Variants in PDE4D observed in about 807,000 individuals in gnomAD.
The protein encoded by PDE4D is 3',5'-cyclic-AMP phosphodiesterase 4D.
In PDE4D, 24 loss-of-function variants were observed where a neutral mutation model predicts 87.4. That is an observed-to-expected ratio of 0.27 (90% CI 0.20 to 0.39). The LOEUF is 0.39. Ranked by LOEUF, PDE4D falls within the 10% of genes least tolerant of loss-of-function variation. The pLI is 1.00. For missense variants in PDE4D, 714 were observed against 1,041.0 expected, an observed-to-expected ratio of 0.69 and a Z score of 4.32; for synonymous variants, 384 against 383.2, an observed-to-expected ratio of 1.00 and a Z score of -0.02.
At chr5:60,043,328 A>G (rs536746490) in intron 2 of PDE4D, among the ~76,000 whole-genome samples, 1 of 152,324 alleles carries the variant, frequency 6.6e-6, no homozygotes, top group Non-Finnish European at 1.5e-5. Flanking sequence ...TGATTGGTGT[A>G]CCTCAAAGTG....
At chr5:59,272,988 T>C (rs1327547974) in intron 1 of PDE4D, among the ~76,000 whole-genome samples, 2 of 152,118 alleles carry the variant, frequency 1.3e-5, no homozygotes, top group Admixed American at 1.3e-4. Context: ...CGGAGGACAG[T>C]AGACAGATTT....
At chr5:60,134,466 C>A (rs1447308261) in intron 2 of PDE4D, among the ~76,000 whole-genome samples, 7 of 152,190 alleles carry the variant, frequency 4.6e-5, no homozygotes. Flanking sequence ...AATCACACCA[C>A]TACAGTCCAG....
intron 1 of PDE4D, among the ~76,000 whole-genome samples, chr5:59,764,185 C>G (rs1045349799): frequency 1.3e-5 from 2 of 152,084 alleles, no homozygotes; most frequent in African/African-American, 4.8e-5. Context: ...AAATGACTGA[C>G]AGAGTAATCA....
intron 3 of PDE4D, among the ~76,000 whole-genome samples, chr5:59,186,084 A>G (rs1742849340): frequency 6.6e-6 from 1 of 152,126 alleles, no homozygotes; most frequent in Non-Finnish European, 1.5e-5. Context: ...TTCTCCTGAA[A>G]TGGGCAAGTT....
At chr5:59,378,212 T>A (rs775632042) in intron 1 of PDE4D, among the ~76,000 whole-genome samples, 13 of 152,204 alleles carry the variant, frequency 8.5e-5, no homozygotes, top group Non-Finnish European at 1.8e-4. Context: ...TTCTCACTTA[T>A]TAGTGGGAGC....
At chr5:59,129,512 A>C (rs1016325980) in intron 5 of PDE4D, among the ~76,000 whole-genome samples, 1 of 152,192 alleles carries the variant, frequency 6.6e-6, no homozygotes, top group East Asian at 1.9e-4. Context: ...TGCTTCATCT[A>C]CTACATAGCT....
chr5:59,330,301 T>G (rs1215557297), intron 1 of PDE4D, among the ~76,000 whole-genome samples: 1 of 152,138 alleles, frequency 6.6e-6, no homozygotes, highest in South Asian at 2.1e-4. Flanking sequence ...GTGAAATATA[T>G]AGTTGAAGCC....
chr5:59,661,098 T>A (rs981346493), intron 1 of PDE4D, among the ~76,000 whole-genome samples: 2 of 101,134 alleles, frequency 2.0e-5, no homozygotes, highest in African/African-American at 4.2e-5. Flanking sequence ...ATATATATAT[T>A]TTGTCATCTA....
At chr5:59,795,726 C>G (rs1766393598) in intron 1 of PDE4D, among the ~76,000 whole-genome samples, 1 of 152,102 alleles carries the variant, frequency 6.6e-6, no homozygotes, top group Non-Finnish European at 1.5e-5. Context: ...TGGTTCAGAG[C>G]TGGTGCTATG....
rs557425559 is a variant in PDE4D at position 60,435,340 on chromosome 5, G to T, written c.-90+52602C>A. On this transcript the variant is annotated intron_variant, in intron 1 of 16. Coordinates refer to the PDE4D transcript ENST00000502484. Reference sequence around the variant, plus strand: ...AATCTTCCCTTTTTCTAAAGTACCTGCTTGATAGACACAACTTAACATATA... The same window carrying T: ...AATCTTCCCTTTTTCTAAAGTACCTTCTTGATAGACACAACTTAACATATA... Among the ~76,000 whole-genome samples the T allele has an allele frequency of 1.4e-4, 22 of 152,162 alleles. No individual in the cohort carries two copies. In the South Asian group the frequency reaches 4.6e-3, roughly 32 times the overall value.
chr5:59,464,263 G>A (rs1330955309), intron 1 of PDE4D, among the ~76,000 whole-genome samples: 3 of 152,210 alleles, frequency 2.0e-5, no homozygotes, highest in African/African-American at 7.2e-5. Context: ...TTGCAGTTGA[G>A]ACAAGAGGAA....
upstream of PDE4D, among the ~76,000 whole-genome samples, chr5:60,492,030 G>A (rs907449237): frequency 3.3e-5 from 5 of 151,916 alleles, no homozygotes; most frequent in African/African-American, 7.3e-5. Flanking sequence ...GCTAGATGAC[G>A]CGTTAGTGGG....
intron 3 of PDE4D, among the ~76,000 whole-genome samples, chr5:59,940,560 T>C (rs1757071375): frequency 6.6e-6 from 1 of 152,122 alleles, no homozygotes; most frequent in Admixed American, 6.6e-5. Context: ...AGTTTTGATT[T>C]TGAAAGTAGA....
chr5:59,279,012 A>C (rs1057389058), intron 1 of PDE4D, among the ~76,000 whole-genome samples: 5 of 152,140 alleles, frequency 3.3e-5, no homozygotes, highest in Admixed American at 6.6e-5. Flanking sequence ...GGTGTTACGG[A>C]GTAATTTTAC....
intron 1 of PDE4D, among the ~76,000 whole-genome samples, chr5:59,733,322 T>C (rs1307005095): frequency 2.0e-5 from 3 of 152,112 alleles, no homozygotes; most frequent in Non-Finnish European, 4.4e-5. Flanking sequence ...AAACGTGAGA[T>C]AAAATCCTGG....
chr5:59,282,740 A>C (rs1766096919), intron 1 of PDE4D, among the ~76,000 whole-genome samples: 1 of 152,000 alleles, frequency 6.6e-6, no homozygotes, highest in African/African-American at 2.4e-5. Flanking sequence ...TTTCTGATGT[A>C]ATGGGAAATG....
chr5:60,182,297 G>A (rs1203464704), intron 2 of PDE4D, among the ~76,000 whole-genome samples: 1 of 152,166 alleles, frequency 6.6e-6, no homozygotes, highest in African/African-American at 2.4e-5. Context: ...AGAGAAAGAT[G>A]TTGACCAGAT....
intron 1 of PDE4D, among the ~76,000 whole-genome samples, chr5:59,462,739 C>A (rs1204190399): frequency 6.6e-6 from 1 of 152,094 alleles, no homozygotes; most frequent in Admixed American, 6.6e-5. Context: ...AGGATTTAAA[C>A]CCTTCAATGA....
intron 5 of PDE4D, among the ~76,000 whole-genome samples, chr5:59,099,489 A>G (rs1217121517): frequency 2.0e-5 from 3 of 152,212 alleles, no homozygotes; most frequent in Non-Finnish European, 4.4e-5. Flanking sequence ...GAATCACCAT[A>G]TTCACCACAA....
Sources: gnomAD v4.1 joint callset for allele counts (sites outside exome capture counted in the v4.1 genomes callset) on GRCh38, gnomAD v4.1.1 for gene constraint, MANE v1.5 for transcripts, NCBI Gene and HGNC (gene_info 2026-07-23, HGNC 2026-07-21) for gene names.